RRP9: variants seen among roughly 807,000 people sequenced by gnomAD.
The protein encoded by RRP9 is U3 small nucleolar RNA-interacting protein 2.
Under a neutral mutation model 65.5 loss-of-function variants are expected in RRP9, and 35 were observed. The observed-to-expected ratio is 0.53, with a 90% CI of 0.41 to 0.71. The LOEUF (loss-of-function observed/expected upper bound fraction) is 0.71, where lower values mean the gene tolerates loss of function less well. Ranked by LOEUF, RRP9 falls within the 30% of genes least tolerant of loss-of-function variation. The pLI, the probability that RRP9 is intolerant of heterozygous loss-of-function variation, is 0.00. For missense variants in RRP9, 533 were observed against 633.6 expected (o/e 0.84, Z 1.70); for synonymous variants, 254 against 245.0 (o/e 1.04, Z -0.34).
In RRP9 at chr3:51,937,565, G is replaced by A; in HGVS notation, c.370C>T (p.Gln124Ter). ...EDVLEQRGRL[Q>*]KLVAKEIQAP... ...CTCACCTCTTTTGCCACCAACTTCTGCAGCCTGCCCCTCTGCTCAAGCTGC... is the reference window on the plus strand; with the variant it reads ...CTCACCTCTTTTGCCACCAACTTCTACAGCCTGCCCCTCTGCTCAAGCTGC... Residue 124 changes from glutamine (Q) to a stop codon, truncating the protein, a stop_gained, in exon 5 of 15, where the codon CAG becomes TAG. Transcript: ENST00000232888. LOFTEE classifies it high-confidence loss of function. The surrounding 1 kb of genome is among the most constrained non-coding windows in gnomAD (Gnocchi z 5.0). 6.2e-7 allele frequency: 1 copy of A among 1,614,128 alleles called. No individual in the cohort carries two copies. Among genetic ancestry groups the A allele is most frequent in the Non-Finnish European group, 8.5e-7 (1 of 1,180,024 alleles).
chr3:51,937,572 G>A lies in RRP9; in HGVS notation c.363C>T (p.Gly121=), dbSNP rs759486979. ...CTTTTGCCACCAACTTCTGCAGCCT[G>A]CCCCTCTGCTCAAGCTGCATGGAGA... ...RLKEDVLEQR[G]RLQKLVAKEI... The change falls in exon 5 of 15, where the codon GGC becomes GGT. Residue 121 remains glycine, a synonymous_variant. Transcript: ENST00000232888. This position sits in a 1 kb window ranked among gnomAD's most constrained non-coding sequence, Gnocchi z 5.0. 14 of 1,614,164 alleles carry A rather than the reference G, an allele frequency of 8.7e-6. No individual in the cohort carries two copies. Among genetic ancestry groups the A allele is most frequent in the African/African-American group, 1.3e-5 (1 of 75,018 alleles).
intron 8 of RRP9, 79 bp downstream of exon 8, chr3:51,936,178 G>A: frequency 7.4e-7 from 1 of 1,356,318 alleles, no homozygotes; most frequent in East Asian, 2.3e-5. Flanking sequence ...TGAGGACAGA[G>A]ACTCCAGAGG....
At position 51,937,378 on chromosome 3, in the gene RRP9, C is replaced by A; in HGVS notation, c.391-60G>T. On this transcript the variant is annotated intron_variant, in intron 5 of 14. Transcript: ENST00000232888. The surrounding 1 kb of genome is among the most constrained non-coding windows in gnomAD (Gnocchi z 5.0). ...GGCATAAAGGCACTACCTTCACCAA[C>A]CCCACTGCGTAGTGTTGGCCTTTCC... 1 of 1,611,708 alleles carries A rather than the reference C, an allele frequency of 6.2e-7. No individual in the cohort carries two copies. Among genetic ancestry groups the A allele is most frequent in the South Asian group, 1.1e-5 (1 of 90,696 alleles).
chr3:51,939,206 T>C (rs1699490068), intron 2 of RRP9, among the ~76,000 whole-genome samples: 1 of 152,162 alleles, frequency 6.6e-6, no homozygotes, highest in African/African-American at 2.4e-5. Context: ...AGAAGGGACC[T>C]TGAAAACTCT....
intron 14 of RRP9, 32 bp from the exon 15 acceptor site, chr3:51,933,631 G>A (rs1559742534): frequency 1.3e-5 from 21 of 1,611,008 alleles, no homozygotes; most frequent in Admixed American, 5.0e-5. Context: ...GCTGAGACTC[G>A]GCCCAGTCTC....
In RRP9 at chr3:51,934,698, T is replaced by C. The variant is rs766226652; in HGVS notation, c.1113A>G (p.Pro371=). 1.2e-6 allele frequency: 2 copies of C among 1,614,112 alleles called. No individual in the cohort carries two copies. The highest frequency in any genetic ancestry group is 8.5e-7 in the Non-Finnish European group (1 of 1,180,014). Residue 371 remains proline (P), a synonymous_variant, in exon 12 of 15, where the codon CCA becomes CCG. Transcript: ENST00000232888. This position sits in a 1 kb window ranked among gnomAD's most constrained non-coding sequence, Gnocchi z 4.1. ...QREAHGLRGE[P]GLEQPFWISS... Reference sequence around the variant, plus strand: ...ATATCCAGAAGGGCTGCTCCAGGCCTGGCTCTCCCCGCAGCCCGTGAGCTT... The same window carrying C: ...ATATCCAGAAGGGCTGCTCCAGGCCCGGCTCTCCCCGCAGCCCGTGAGCTT...
At chr3:51,941,048 G>A (rs2106680008) in intron 2 of RRP9, among the ~76,000 whole-genome samples, 1 of 152,324 alleles carries the variant, frequency 6.6e-6, no homozygotes, top group African/African-American at 2.4e-5. Context: ...GCAGTGCCTG[G>A]CATGTTAAGA....
chr3:51,940,898 TGA>T (rs906977347), intron 2 of RRP9, among the ~76,000 whole-genome samples: 5 of 152,190 alleles, frequency 3.3e-5, no homozygotes, highest in African/African-American at 4.8e-5. Flanking sequence ...TACCTCTCCG[TGA>T]GAGACTCCTC....
chr3:51,934,833 G>A lies in RRP9; in HGVS notation c.1035-57C>T. The A allele has an allele frequency of 6.4e-7, 1 of 1,551,964 alleles. No individual in the cohort carries two copies. The highest frequency in any genetic ancestry group is 8.8e-7 in the Non-Finnish European group (1 of 1,136,986). ...GGGCCAGAGGCAGAAAAGGCCCCCT[G>A]TGTAACACAAAGGATTAATGCTTGA... On this transcript the variant is annotated intron_variant, in intron 11 of 14. Transcript: ENST00000232888. The surrounding 1 kb of genome is among the most constrained non-coding windows in gnomAD (Gnocchi z 4.1).
In RRP9 at chr3:51,938,708, A is replaced by G. The variant is rs115711615; in HGVS notation, c.171-504T>C. 2.2e-3 allele frequency among the ~76,000 whole-genome samples: 334 copies of G among 152,308 alleles called. 3 individuals are homozygous for G. The highest frequency in any genetic ancestry group is 7.2e-3 in the African/African-American group (299 of 41,562). On this transcript the variant is annotated intron_variant, in intron 2 of 14. Coordinates refer to ENST00000232888, the MANE Select transcript of RRP9 (RefSeq NM_004704.5). ...CCTCTTTTTCTTTAGGAAGGATAGA[A>G]GCTGTGCTCCCAAACAAGAGGGTAA...
chr3:51,938,339 G>T, intron 2 of RRP9, 135 bp from the exon 3 acceptor site: 1 of 656,220 alleles, frequency 1.5e-6, no homozygotes, highest in Non-Finnish European at 2.6e-6. Context: ...TGACTACACT[G>T]CAGAAAACTG....
intron 2 of RRP9, among the ~76,000 whole-genome samples, chr3:51,939,534 A>G (rs566582394): frequency 6.6e-6 from 1 of 152,358 alleles, no homozygotes; most frequent in South Asian, 2.1e-4. Context: ...ACGAAGGAGC[A>G]GGAGGAGTTC....
intron 8 of RRP9, among the ~76,000 whole-genome samples, chr3:51,935,956 G>T (rs1234362345): frequency 1.3e-5 from 2 of 152,132 alleles, no homozygotes; most frequent in Admixed American, 1.3e-4. Flanking sequence ...CCATCTCCTG[G>T]GCTCAGATGA....
chr3:51,938,909 G>C (rs1363637474), intron 2 of RRP9, among the ~76,000 whole-genome samples: 2 of 152,172 alleles, frequency 1.3e-5, no homozygotes, highest in African/African-American at 4.8e-5. Flanking sequence ...CTGGGAACAA[G>C]GTTCCAAGCG....
intron 9 of RRP9, 35 bp from the exon 10 acceptor site, chr3:51,935,511 G>A (rs1315950471): frequency 6.2e-7 from 1 of 1,613,990 alleles, no homozygotes; most frequent in East Asian, 2.2e-5. Context: ...AGTGGGGATA[G>A]GGGTACTGCA....
At chr3:51,940,122 G>A (rs1302923429) in intron 2 of RRP9, among the ~76,000 whole-genome samples, 1 of 152,112 alleles carries the variant, frequency 6.6e-6, no homozygotes, top group East Asian at 1.9e-4. Context: ...CAGGCATGGT[G>A]GTGCAGGCCT....
At chr3:51,936,012 C>T (rs538792557) in intron 8 of RRP9, among the ~76,000 whole-genome samples, 15 of 152,294 alleles carry the variant, frequency 9.8e-5, no homozygotes, top group African/African-American at 2.2e-4. Context: ...AGGCAAGAGC[C>T]GCTACATCCC....
At chr3:51,939,937 A>C (rs764181706) in intron 2 of RRP9, among the ~76,000 whole-genome samples, 9 of 152,298 alleles carry the variant, frequency 5.9e-5, no homozygotes, top group Non-Finnish European at 1.2e-4. Flanking sequence ...GCACACACTC[A>C]CCCACAATAA....
At chr3:51,936,618 C>A (rs1235218738) in intron 6 of RRP9, 63 bp from the exon 7 acceptor site, 3 of 1,543,636 alleles carry the variant, frequency 1.9e-6, no homozygotes, top group African/African-American at 1.4e-5. Context: ...GGCAACCCCC[C>A]TCAAGGGGCA....
Sources: gnomAD v4.1 joint callset for allele counts (sites outside exome capture counted in the v4.1 genomes callset) on GRCh38, gnomAD v4.1.1 for gene constraint, Gnocchi (gnomAD v3.1) non-coding constraint, MANE v1.5 for transcripts, NCBI Gene and HGNC (gene_info 2026-07-23, HGNC 2026-07-21) for gene names.